The following PLA2G4A variants were observed in gnomAD, a reference collection of about 807,000 sequenced individuals.
PLA2G4A encodes phospholipase A2 group IVA.
A neutral mutation model predicts 81.9 loss-of-function variants in PLA2G4A; 40 were observed. That is an observed-to-expected ratio of 0.49 (90% confidence interval 0.38 to 0.64). The LOEUF is 0.64. Among genes scored for constraint, PLA2G4A ranks in the 30% least tolerant of loss-of-function variants. The pLI, the probability that PLA2G4A is intolerant of heterozygous loss-of-function variation, is 0.00. For missense variants in PLA2G4A, 715 were observed against 905.1 expected, an observed-to-expected ratio of 0.79 and a Z score of 2.69; for synonymous variants, 302 against 296.9, an observed-to-expected ratio of 1.02 and a Z score of -0.18.
At chr1:186,830,923 C>T (rs1651533028) in intron 1 of PLA2G4A, among the ~76,000 whole-genome samples, 1 of 151,214 alleles carries the variant, frequency 6.6e-6, no homozygotes, top group African/African-American at 2.4e-5. Flanking sequence ...CTCCTTCTTG[C>T]TCCAGATTGT....
At chr1:186,915,534 A>G (rs1655106748) in intron 7 of PLA2G4A, among the ~76,000 whole-genome samples, 1 of 152,156 alleles carries the variant, frequency 6.6e-6, no homozygotes, top group Admixed American at 6.5e-5. Flanking sequence ...TTTTCACGGA[A>G]AGCATAGACA....
intron 1 of PLA2G4A, among the ~76,000 whole-genome samples, chr1:186,850,069 T>C (rs1275406147): frequency 1.3e-5 from 2 of 152,148 alleles, no homozygotes; most frequent in African/African-American, 4.8e-5. Context: ...TTTGCACTAG[T>C]ATTCTTCAAA....
chr1:186,955,438 T>G (rs1463162152), intron 13 of PLA2G4A, among the ~76,000 whole-genome samples: 1 of 152,060 alleles, frequency 6.6e-6, no homozygotes, highest in Non-Finnish European at 1.5e-5. Context: ...ATTTTCTGTG[T>G]GTAAGTTATA....
At chr1:186,907,830 A>G (rs1431575247) in intron 6 of PLA2G4A, among the ~76,000 whole-genome samples, 2 of 152,202 alleles carry the variant, frequency 1.3e-5, no homozygotes, top group African/African-American at 4.8e-5. Flanking sequence ...AATGTCCACA[A>G]CCTGTTAATA....
chr1:186,956,501 T>G (rs12720654), intron 14 of PLA2G4A, among the ~76,000 whole-genome samples, 157 bp downstream of exon 14: 5,232 of 152,042 alleles, frequency 0.034, 308 homozygotes, highest in African/African-American at 0.12. Flanking sequence ...CTAGGGTTTT[T>G]TTTTTGTTGT....
rs1475912736 is a variant in PLA2G4A at position 186,939,994 on chromosome 1, T to A, written c.933T>A (p.Thr311=). ...TCTGTGGACAGAGAATGAATACTAC[T>A]CTGAGCAGTTTGAAGGAAAAAGTTA... ...ETLIHNRMNT[T]LSSLKEKVNT... Residue 311 remains threonine (T), a synonymous_variant, in exon 10 of 18, where the codon ACT becomes ACA. Coordinates refer to ENST00000367466, the MANE Select transcript of PLA2G4A (RefSeq NM_024420.3). The A allele has an allele frequency of 1.3e-6, 2 of 1,534,462 alleles. No homozygotes were observed. Among genetic ancestry groups the A allele is most frequent in the Admixed American group, 3.3e-5 (2 of 59,916 alleles).
At chr1:186,932,979 G>A in intron 8 of PLA2G4A, 80 bp downstream of exon 8, 2 of 1,029,132 alleles carry the variant, frequency 1.9e-6, no homozygotes, top group Non-Finnish European at 3.0e-6. Flanking sequence ...AAGAGAAAAG[G>A]GGATTTAGAA....
chr1:186,848,401 A>T (rs1571330636), intron 1 of PLA2G4A, among the ~76,000 whole-genome samples: 1 of 152,104 alleles, frequency 6.6e-6, no homozygotes, highest in Non-Finnish European at 1.5e-5. Context: ...TAGGCAGGGG[A>T]GGGGAGAAGT....
intron 15 of PLA2G4A, among the ~76,000 whole-genome samples, chr1:186,968,393 G>GGTGCGTATGTGT (rs1657207976): frequency 3.2e-5 from 1 of 31,552 alleles, no homozygotes; most frequent in Non-Finnish European, 7.3e-5. Context: ...CTCTTTTCGC[G>GGTGCGTATGTGT]GTGTGTATGT....
intron 7 of PLA2G4A, among the ~76,000 whole-genome samples, chr1:186,927,357 T>G (rs1655583576): frequency 6.6e-6 from 1 of 152,208 alleles, no homozygotes; most frequent in African/African-American, 2.4e-5. Flanking sequence ...ATGGGGATTT[T>G]TGGTGTGTTT....
chr1:186,854,627 CATA>C (rs1267456914), intron 2 of PLA2G4A, among the ~76,000 whole-genome samples: 2 of 151,736 alleles, frequency 1.3e-5, no homozygotes, highest in African/African-American at 4.8e-5. Context: ...ACCCAAACAC[CATA>C]ATAATAATGG....
At chr1:186,868,684 A>C (rs966381390) in intron 2 of PLA2G4A, among the ~76,000 whole-genome samples, 3 of 152,154 alleles carry the variant, frequency 2.0e-5, no homozygotes, top group South Asian at 2.1e-4. Context: ...TAAGGTTATT[A>C]ATTGTTGATT....
chr1:186,889,322 T>C (rs1317752650), intron 3 of PLA2G4A, among the ~76,000 whole-genome samples: 1 of 152,220 alleles, frequency 6.6e-6, no homozygotes, highest in Non-Finnish European at 1.5e-5. Context: ...AGACTATTTG[T>C]TAAAAATTGC....
At chr1:186,876,013 C>G (rs2102069441) in intron 3 of PLA2G4A, among the ~76,000 whole-genome samples, 1 of 152,166 alleles carries the variant, frequency 6.6e-6, no homozygotes, top group East Asian at 1.9e-4. Flanking sequence ...CACGTGCTTT[C>G]TTGTGGGGAC....
chr1:186,940,001 A>C lies in PLA2G4A; in HGVS notation c.940A>C (p.Ser314Arg). Residue 314 changes from serine (S) to arginine (R), a missense_variant, in exon 10 of 18, where the codon AGT (serine) becomes CGT (arginine). By Grantham distance (110) the Ser-to-Arg change is moderately radical. Transcript: ENST00000367466. ...IHNRMNTTLS[S>R]LKEKVNTAQC... ...ACAGAGAATGAATACTACTCTGAGC[A>C]GTTTGAAGGAAAAAGTTAATACTGC... 2 of 1,560,938 alleles carry C rather than the reference A, an allele frequency of 1.3e-6. No homozygotes were observed. The highest frequency in any genetic ancestry group is 1.8e-6 in the Non-Finnish European group (2 of 1,131,592).
rs1557891402 is a variant in PLA2G4A at position 186,956,234 on chromosome 1, A to G, written c.1469A>G (p.His490Arg). Residue 490 changes from histidine (H) to arginine (R), a missense_variant, in exon 14 of 18, where the codon CAC becomes CGC. Physicochemically the swap from His to Arg is conservative, Grantham distance 29. Transcript: ENST00000367466. ...AGAGAAGGACGTGCTGGGAAGGTACACAACTTCATGCTGGGCTTGAATCTC... is the reference window on the plus strand; with the variant it reads ...AGAGAAGGACGTGCTGGGAAGGTACGCAACTTCATGCTGGGCTTGAATCTC... ...NTREGRAGKV[H>R]NFMLGLNLNT... 1 of 1,614,064 alleles carries G rather than the reference A, an allele frequency of 6.2e-7. No individual in the cohort carries two copies. The highest frequency in any genetic ancestry group is 8.5e-7 in the Non-Finnish European group (1 of 1,179,940).
chr1:186,834,307 G>A (rs889014912), intron 1 of PLA2G4A, among the ~76,000 whole-genome samples: 31 of 152,014 alleles, frequency 2.0e-4, no homozygotes, highest in Non-Finnish European at 4.6e-4. Flanking sequence ...CCACAAAACT[G>A]TGTAAGTTAG....
chr1:186,845,367 G>T (rs1652135160), intron 1 of PLA2G4A, among the ~76,000 whole-genome samples: 3 of 152,010 alleles, frequency 2.0e-5, no homozygotes, highest in South Asian at 4.2e-4. Context: ...ACTGTGCTTG[G>T]TGATTTACAT....
intron 3 of PLA2G4A, among the ~76,000 whole-genome samples, 179 bp from the exon 4 acceptor site, chr1:186,892,830 CAT>C (rs1401743500): frequency 7.9e-5 from 12 of 152,300 alleles, no homozygotes; most frequent in African/African-American, 2.9e-4. Flanking sequence ...AGGACAGCGA[CAT>C]ATGTAAAAAG....
Sources: gnomAD v4.1 joint callset for allele counts (sites outside exome capture counted in the v4.1 genomes callset) on GRCh38, gnomAD v4.1.1 for gene constraint, MANE v1.5 for transcripts, NCBI Gene and HGNC (gene_info 2026-07-23, HGNC 2026-07-21) for gene names.